The following SLFN11 variants were observed in gnomAD, a reference collection of about 807,000 sequenced individuals.
SLFN11 encodes the protein schlafen family member 11.
SLFN11 carries 43 observed loss-of-function variants against 53.4 expected under a neutral mutation model. The ratio of observed to expected loss-of-function variants is 0.80; its 90% CI spans 0.63 to 1.04. The LOEUF (loss-of-function observed/expected upper bound fraction) is 1.04. Ranked by LOEUF, SLFN11 falls within the 50% of genes least tolerant of loss-of-function variation. The pLI is 0.00. For synonymous variants in SLFN11, 389 were observed against 394.7 expected, an observed-to-expected ratio of 0.99 and a Z score of 0.17; for missense variants, 990 against 1,079.1, an observed-to-expected ratio of 0.92 and a Z score of 1.16.
In SLFN11 at chr17:35,359,594, G is replaced by A. The variant is rs73290540; in HGVS notation, c.1198+649C>T. Among the ~76,000 whole-genome samples the A allele has an allele frequency of 3.4e-3, 516 of 152,238 alleles. 5 individuals are homozygous for A. The highest frequency in any genetic ancestry group is 0.012 in the African/African-American group (493 of 41,568). ...CAAGGGATAAGAGTAGAGAAAAGGC[G>A]TTGACCTTGGTCCTGAATTATTGTG... On this transcript the variant is annotated intron_variant, in intron 5 of 6. Coordinates refer to ENST00000685675, the MANE Select transcript of SLFN11 (RefSeq NM_001376007.1).
intron 5 of SLFN11, among the ~76,000 whole-genome samples, chr17:35,358,990 C>G (rs1907861797): frequency 6.6e-6 from 1 of 151,994 alleles, no homozygotes; most frequent in African/African-American, 2.4e-5. Flanking sequence ...TGCACTCCAA[C>G]CTGGGTGACA....
At position 35,353,041 on chromosome 17, in the gene SLFN11, C is replaced by A. The variant is rs202123744; in HGVS notation, c.2021G>T (p.Arg674Leu). 6.2e-6 allele frequency: 10 copies of A among 1,614,182 alleles called. No individual in the cohort carries two copies. The African/African-American group carries it at 1.3e-4, about 22-fold the overall frequency. The change falls in exon 7 of 7, where the codon CGT becomes CTT. Residue 674 changes from arginine (R) to leucine (L), a missense_variant. Coordinates refer to ENST00000685675, the MANE Select transcript of SLFN11 (RefSeq NM_001376007.1). ...CCCATACCAGTCCCCATCTTCAGTACGGAAATTCTGAGCTTCGTCAATGAC... is the reference window on the plus strand; with the variant it reads ...CCCATACCAGTCCCCATCTTCAGTAAGGAAATTCTGAGCTTCGTCAATGAC... ...HIVIDEAQNF[R>L]TEDGDWYGKA...
intron 5 of SLFN11, among the ~76,000 whole-genome samples, chr17:35,357,255 AT>A (rs915506543): frequency 1.3e-5 from 2 of 150,456 alleles, no homozygotes; most frequent in African/African-American, 2.4e-5. Flanking sequence ...GGTTGCAAAT[AT>A]TTTTTCTACT....
intron 1 of SLFN11, among the ~76,000 whole-genome samples, chr17:35,368,283 C>G (rs1300239571): frequency 6.6e-6 from 1 of 151,974 alleles, no homozygotes; most frequent in Non-Finnish European, 1.5e-5. Flanking sequence ...TACCATCCCC[C>G]TTCTCCAGCA....
chr17:35,366,502 A>G (rs568386754), intron 3 of SLFN11, among the ~76,000 whole-genome samples: 6 of 152,242 alleles, frequency 3.9e-5, no homozygotes, highest in Admixed American at 1.3e-4. Flanking sequence ...ACCTTGCATC[A>G]TTATTGGAAA....
intron 1 of SLFN11, among the ~76,000 whole-genome samples, chr17:35,370,972 T>C (rs1320107294): frequency 6.6e-6 from 1 of 152,052 alleles, no homozygotes; most frequent in East Asian, 1.9e-4. Flanking sequence ...AAAACAATCC[T>C]AAAATTTATA....
intron 4 of SLFN11, among the ~76,000 whole-genome samples, chr17:35,360,886 C>T (rs1027175208): frequency 6.6e-6 from 1 of 152,144 alleles, no homozygotes; most frequent in Non-Finnish European, 1.5e-5. Flanking sequence ...GAGAGGATCA[C>T]TTGAGCCCAG....
chr17:35,357,921 T>C (rs1447226437), intron 5 of SLFN11, among the ~76,000 whole-genome samples: 1 of 146,616 alleles, frequency 6.8e-6, no homozygotes, highest in Admixed American at 6.9e-5. Context: ...TATTTATATA[T>C]CTATAAATAA....
At chr17:35,360,770 A>G (rs139769025) in intron 4 of SLFN11, among the ~76,000 whole-genome samples, 292 of 152,110 alleles carry the variant, frequency 1.9e-3, no homozygotes, top group African/African-American at 6.8e-3. Flanking sequence ...GTTCAATATC[A>G]TCTCATCACT....
rs367798201 is a variant in SLFN11, at chr17:35,352,484, G to C, written c.2578C>G (p.Leu860Val). The change falls in exon 7 of 7, where the codon CTG becomes GTG. Residue 860 changes from leucine (L) to valine (V), a missense_variant. Around this residue, in one of 3 missense-constraint regions of SLFN11, gnomAD observed 313 missense variants for 320.9 expected, o/e 0.98. Transcript: ENST00000685675. ...VLDSVRRFSGLERSIVFGIHP... is the reference protein window; with the variant it reads ...VLDSVRRFSGVERSIVFGIHP... ...ATCCCAAACACTATGCTCCTTTCCA[G>C]GCCTGAGAATCGCCGAACACTGTCC... is the stretch of plus-strand genomic sequence containing the variant. 6.2e-7 allele frequency: 1 copy of C among 1,614,184 alleles called. No homozygotes were observed. Among genetic ancestry groups the C allele is most frequent in the East Asian group, 2.2e-5 (1 of 44,884 alleles).
At position 35,363,633 on chromosome 17, in the gene SLFN11, C is replaced by T. The variant is rs969523902; in HGVS notation, c.175G>A (p.Gly59Arg). 36 of 1,613,878 alleles carry T rather than the reference C, an allele frequency of 2.2e-5. No individual in the cohort carries two copies. Among genetic ancestry groups the T allele is most frequent in the Non-Finnish European group, 2.9e-5 (34 of 1,179,920 alleles). ...AACALLNSGG[G>R]VIRMAKKVEH... Reference sequence around the variant, plus strand: ...ACCTTCTTGGCCATTCGAATCACTCCTCCTCCTGAGTTTAATAAAGCACAT... The same window carrying T: ...ACCTTCTTGGCCATTCGAATCACTCTTCCTCCTGAGTTTAATAAAGCACAT... The change falls in exon 4 of 7, where the codon GGA becomes AGA. Residue 59 changes from glycine (G) to arginine (R), a missense_variant. By Grantham distance (125) the Gly-to-Arg change is moderately radical (BLOSUM62 -2). Coordinates refer to ENST00000685675, the MANE Select transcript of SLFN11 (RefSeq NM_001376007.1).
chr17:35,362,904 C>A lies in SLFN11; in HGVS notation c.904G>T (p.Val302Leu). Reference protein sequence around the residue: ...PITFTLKIVNVLKRGELYGYA... With the variant: ...PITFTLKIVNLLKRGELYGYA... ...CCATAGAGCTCTCCCCTTTTTAACA[C>A]ATTCACAATTTTGAGTGTGAAGGTT... Residue 302 changes from valine (V) to leucine (L), a missense_variant, in exon 4 of 7, where the codon GTG becomes TTG. By Grantham distance (32) the Val-to-Leu change is conservative. This residue lies in a region of SLFN11 where 521 missense variants were observed against 516.2 expected (regional missense o/e 1.01). Transcript: ENST00000685675. 2 of 1,613,918 alleles carry A rather than the reference C, an allele frequency of 1.2e-6. No individual in the cohort carries two copies. The highest frequency in any genetic ancestry group is 1.7e-6 in the Non-Finnish European group (2 of 1,179,916).
chr17:35,354,279 G>A (rs1297770751), intron 5 of SLFN11, among the ~76,000 whole-genome samples: 1 of 151,944 alleles, frequency 6.6e-6, no homozygotes, highest in African/African-American at 2.4e-5. Flanking sequence ...TTATAACCTT[G>A]GGAAATTCCT....
rs774718215 is a variant in SLFN11 at position 35,353,968 on chromosome 17, T to G, written c.1290A>C (p.Gln430His). 1 of 1,614,076 alleles carries G rather than the reference T, an allele frequency of 6.2e-7. No homozygotes were observed. Among genetic ancestry groups the G allele is most frequent in the South Asian group, 1.1e-5 (1 of 91,086 alleles). Residue 430 changes from glutamine to histidine, a missense_variant, in exon 6 of 7, where the codon CAA becomes CAC. Physicochemically the swap from Gln to His is conservative, Grantham distance 24 (BLOSUM62 0). Coordinates refer to ENST00000685675, the MANE Select transcript of SLFN11 (RefSeq NM_001376007.1). Reference protein sequence around the residue: ...HRGLEELINKQMQPFFRGILI... With the variant: ...HRGLEELINKHMQPFFRGILI... ...AAATTCCCCGAAAGAAAGGTTGCAT[T>G]TGCTTATTTATTAACTCCTCTAGTC... is the stretch of plus-strand genomic sequence containing the variant.
intron 5 of SLFN11, among the ~76,000 whole-genome samples, chr17:35,354,388 T>TTGTA (rs1907207141): frequency 6.6e-6 from 1 of 152,138 alleles, no homozygotes; most frequent in African/African-American, 2.4e-5. Flanking sequence ...GTTTGGCTCA[T>TTGTA]TGTAGCTGCT....
Position 35,351,994 on chromosome 17 carries a change from G to A in SLFN11, c.*362C>T, listed in dbSNP as rs1227091481. The stretch of plus-strand genomic sequence containing the variant: ...TTTTAAAAGCAACAAACTGCATGAA[G>A]TCACTTAAAAAAAGAAGCCCAGCCT... On this transcript the variant is annotated 3_prime_UTR_variant, in exon 7 of 7. Transcript: ENST00000685675. The A allele has an allele frequency of 1.3e-5, 3 of 222,520 alleles. No individual in the cohort carries two copies. The highest frequency in any genetic ancestry group is 2.6e-5 in the Non-Finnish European group (3 of 113,246). 13.8% of individuals were successfully genotyped at this position (222,520 alleles called of 1,614,324 possible).
intron 4 of SLFN11, 99 bp from the exon 5 acceptor site, chr17:35,360,470 A>T: frequency 8.9e-7 from 1 of 1,123,582 alleles, no homozygotes; most frequent in Non-Finnish European, 1.2e-6. Context: ...AAATAGTTTG[A>T]CTTGAGAGAT....
At position 35,352,483 on chromosome 17, in the gene SLFN11, A is replaced by C. The variant is rs780041133; in HGVS notation, c.2579T>G (p.Leu860Arg). ...VLDSVRRFSGLERSIVFGIHP... is the reference protein window; with the variant it reads ...VLDSVRRFSGRERSIVFGIHP... ...GATCCCAAACACTATGCTCCTTTCCAGGCCTGAGAATCGCCGAACACTGTC... is the reference window on the plus strand; with the variant it reads ...GATCCCAAACACTATGCTCCTTTCCCGGCCTGAGAATCGCCGAACACTGTC... Residue 860 changes from leucine to arginine, a missense_variant, in exon 7 of 7, where the codon CTG becomes CGG. By Grantham distance (102) the Leu-to-Arg change is moderately radical. Transcript: ENST00000685675. 1 of 1,614,166 alleles carries C rather than the reference A, an allele frequency of 6.2e-7. No homozygotes were observed. The highest frequency in any genetic ancestry group is 8.5e-7 in the Non-Finnish European group (1 of 1,180,028).
At position 35,362,941 on chromosome 17, in the gene SLFN11, G is replaced by C; in HGVS notation, c.867C>G (p.Pro289=). 1 of 1,613,414 alleles carries C rather than the reference G, an allele frequency of 6.2e-7. No individual in the cohort carries two copies. Among genetic ancestry groups the C allele is most frequent in the Non-Finnish European group, 8.5e-7 (1 of 1,179,750 alleles). ...YKLPCVHFCQ[P]QRPITFTLKI... ...TGAGTGTGAAGGTTATCGGGCGTTG[G>C]GGTTGGCAAAAATGAACACAAGGTA... The change falls in exon 4 of 7, where the codon CCC becomes CCG. Residue 289 remains proline, a synonymous_variant. Coordinates refer to ENST00000685675, the MANE Select transcript of SLFN11 (RefSeq NM_001376007.1).
Sources: gnomAD v4.1 joint callset for allele counts (sites outside exome capture counted in the v4.1 genomes callset) on GRCh38, gnomAD v4.1.1 for gene constraint, gnomAD v4.1.1 regional missense constraint, MANE v1.5 for transcripts, NCBI Gene and HGNC (gene_info 2026-07-23, HGNC 2026-07-21) for gene names.